The following CA10 variants were observed in gnomAD, a reference collection of about 807,000 sequenced individuals.
The protein encoded by CA10 is carbonic anhydrase 10 (inactive).
CA10 carries 14 observed loss-of-function variants against 44.2 expected under a neutral mutation model. The observed-to-expected ratio is 0.32, with a 90% CI of 0.21 to 0.50. The LOEUF (loss-of-function observed/expected upper bound fraction) is 0.50. Ranked by LOEUF, CA10 falls within the 20% of genes least tolerant of loss-of-function variation. The pLI is 0.99. For synonymous variants in CA10, 159 were observed against 141.6 expected, an observed-to-expected ratio of 1.12 and a Z score of -0.87; for missense variants, 350 against 409.7, an observed-to-expected ratio of 0.85 and a Z score of 1.26.
At chr17:51,687,575 G>A (rs1915049509) in intron 4 of CA10, among the ~76,000 whole-genome samples, 1 of 152,158 alleles carries the variant, frequency 6.6e-6, no homozygotes, top group Non-Finnish European at 1.5e-5. Context: ...GCTTATAGTG[G>A]CCATGCTCTA....
intron 4 of CA10, among the ~76,000 whole-genome samples, chr17:51,742,730 A>AGTGGGGC (rs1381934661): frequency 6.6e-6 from 1 of 152,182 alleles, no homozygotes. Context: ...CATCCTATCT[A>AGTGGGGC]TATCACCATA....
At chr17:51,930,118 G>C (rs971681164) in intron 3 of CA10, among the ~76,000 whole-genome samples, 4 of 88,898 alleles carry the variant, frequency 4.5e-5, no homozygotes, top group Admixed American at 4.3e-4. Context: ...CAAAGGAAGA[G>C]AGAACAGAGC....
chr17:52,049,385 A>G (rs1395446084), intron 2 of CA10, among the ~76,000 whole-genome samples: 2 of 152,106 alleles, frequency 1.3e-5, no homozygotes, highest in Admixed American at 1.3e-4. Flanking sequence ...CAATCATAAT[A>G]ATTCCTTTAT....
intron 2 of CA10, among the ~76,000 whole-genome samples, chr17:51,935,260 T>A (rs1369942973): frequency 6.6e-6 from 1 of 152,178 alleles, no homozygotes; most frequent in African/African-American, 2.4e-5. Flanking sequence ...TTTCTCTTAG[T>A]TTCCATGGCT....
chr17:51,683,272 G>A (rs745926014), intron 4 of CA10, among the ~76,000 whole-genome samples: 5 of 152,196 alleles, frequency 3.3e-5, no homozygotes, highest in Non-Finnish European at 7.3e-5. Context: ...AGCTTTGAGA[G>A]TCAGTGTGGT....
At chr17:51,723,424 A>C (rs1916414467) in intron 4 of CA10, among the ~76,000 whole-genome samples, 1 of 152,178 alleles carries the variant, frequency 6.6e-6, no homozygotes, top group Non-Finnish European at 1.5e-5. Context: ...AGAACCTAGG[A>C]TGTGAACACT....
chr17:52,018,652 T>G (rs193271829), intron 2 of CA10, among the ~76,000 whole-genome samples: 1 of 152,236 alleles, frequency 6.6e-6, no homozygotes, highest in East Asian at 1.9e-4. Context: ...TTGCCTTGAG[T>G]GTCAGATGAG....
intron 1 of CA10, among the ~76,000 whole-genome samples, chr17:52,106,662 A>G (rs775686738): frequency 6.6e-6 from 1 of 152,162 alleles, no homozygotes; most frequent in East Asian, 1.9e-4. Flanking sequence ...ACTCTGTAAT[A>G]CTCCTTGGTA....
intron 3 of CA10, among the ~76,000 whole-genome samples, chr17:51,879,396 A>G (rs1398862281): frequency 6.6e-6 from 1 of 152,114 alleles, no homozygotes; most frequent in African/African-American, 2.4e-5. Context: ...ACTGCTCCCA[A>G]GATTATCTAT....
At chr17:52,022,485 A>T (rs1038512959) in intron 2 of CA10, among the ~76,000 whole-genome samples, 4 of 152,206 alleles carry the variant, frequency 2.6e-5, no homozygotes, top group African/African-American at 9.6e-5. Flanking sequence ...TGACAAACCC[A>T]CAGCCAACAC....
intron 3 of CA10, among the ~76,000 whole-genome samples, chr17:51,910,456 C>A (rs1382210566): frequency 6.6e-6 from 1 of 152,012 alleles, no homozygotes; most frequent in Non-Finnish European, 1.5e-5. Flanking sequence ...GTTGTTATGG[C>A]TTACAGGATA....
chr17:51,737,242 C>T (rs1385239077), intron 4 of CA10, among the ~76,000 whole-genome samples: 3 of 152,088 alleles, frequency 2.0e-5, no homozygotes, highest in Admixed American at 6.6e-5. Context: ...TAAAATGGTG[C>T]TAATAAGTGC....
At chr17:51,961,228 G>C (rs1015792642) in intron 2 of CA10, among the ~76,000 whole-genome samples, 4 of 132,086 alleles carry the variant, frequency 3.0e-5, no homozygotes, top group South Asian at 2.4e-4. Flanking sequence ...CACACACACA[G>C]AGTTTCTTTT....
chr17:51,969,919 A>G (rs1199575844), intron 2 of CA10, among the ~76,000 whole-genome samples: 4 of 152,042 alleles, frequency 2.6e-5, no homozygotes, highest in Non-Finnish European at 5.9e-5. Context: ...GCTTCTCTTC[A>G]CAGCTGTCTG....
In CA10 at chr17:51,717,656, C is replaced by CATATATGCAT. The variant is rs1442552331; in HGVS notation, c.465+29976_465+29977insATGCATATAT. Among the ~76,000 whole-genome samples the CATATATGCAT allele has an allele frequency of 1.9e-4, 5 of 25,668 alleles. 1 individual carries two copies. Among genetic ancestry groups the CATATATGCAT allele is most frequent in the African/African-American group, 5.4e-4 (5 of 9,272 alleles). 16.8% of individuals were successfully genotyped at this position (25,668 alleles called of 152,430 possible). A position where few individuals can be genotyped will look rare whatever the true frequency, so the allele number is the denominator to read the frequency against. On this transcript the variant is annotated intron_variant, in intron 4 of 8. Transcript: ENST00000451037. The stretch of plus-strand genomic sequence containing the variant: ...ATATGCATGTATATATACATATATA[C>CATATATGCAT]GTATATATACATGTATATATGTATA...
At chr17:51,868,683 C>T (rs538583796) in intron 3 of CA10, among the ~76,000 whole-genome samples, 1 of 152,176 alleles carries the variant, frequency 6.6e-6, no homozygotes, top group Admixed American at 6.5e-5. Context: ...TCAGACTAAC[C>T]ACCTGGTATT....
chr17:51,773,455 A>G (rs1905690872), intron 3 of CA10, among the ~76,000 whole-genome samples: 2 of 152,240 alleles, frequency 1.3e-5, no homozygotes, highest in East Asian at 3.8e-4. Flanking sequence ...GACATTCAGT[A>G]GGAAGACACC....
intron 3 of CA10, among the ~76,000 whole-genome samples, chr17:51,840,907 T>C (rs1255560796): frequency 6.6e-6 from 1 of 152,144 alleles, no homozygotes; most frequent in Non-Finnish European, 1.5e-5. Flanking sequence ...ACTCACAGTT[T>C]ATCATTTAAG....
At chr17:52,036,859 A>G (rs946313020) in intron 2 of CA10, among the ~76,000 whole-genome samples, 1 of 152,206 alleles carries the variant, frequency 6.6e-6, no homozygotes, top group Admixed American at 6.5e-5. Flanking sequence ...CCAGTGATGT[A>G]TCAGAGCATG....
Sources: gnomAD v4.1 joint callset for allele counts (sites outside exome capture counted in the v4.1 genomes callset) on GRCh38, gnomAD v4.1.1 for gene constraint, MANE v1.5 for transcripts, NCBI Gene and HGNC (gene_info 2026-07-23, HGNC 2026-07-21) for gene names.